Variants in NUCB1 observed in about 807,000 individuals in gnomAD.
The protein encoded by NUCB1 is nucleobindin 1, also known as nucleobindin-1.
Under a neutral mutation model 61.2 loss-of-function variants are expected in NUCB1, and 47 were observed. That is an observed-to-expected ratio of 0.77 (90% confidence interval 0.61 to 0.98). The LOEUF (loss-of-function observed/expected upper bound fraction) is 0.98, where lower values mean the gene tolerates loss of function less well. Among genes scored for constraint, NUCB1 ranks in the 50% least tolerant of loss-of-function variants. The probability of loss-of-function intolerance (pLI) is 0.00; values close to 1 mark genes in which losing one functional copy is unlikely to be tolerated. For missense variants in NUCB1, 583 were observed against 605.3 expected (o/e 0.96, Z 0.39); for synonymous variants, 234 against 243.1 (o/e 0.96, Z 0.35).
chr19:48,909,733 G>T (rs1269490996), intron 4 of NUCB1, among the ~76,000 whole-genome samples: 3 of 151,750 alleles, frequency 2.0e-5, no homozygotes, highest in Non-Finnish European at 4.4e-5. Flanking sequence ...GTAGAGATGG[G>T]GTTTCACCAT....
At position 48,915,436 on chromosome 19, in the gene NUCB1, C is replaced by T. The variant is rs1370963497; in HGVS notation, c.757+1872C>T. 3.9e-5 allele frequency among the ~76,000 whole-genome samples: 6 copies of T among 152,046 alleles called. No homozygotes were observed. The East Asian group carries it at 5.8e-4, about 15-fold the overall frequency. On this transcript the variant is annotated intron_variant, in intron 7 of 12. Coordinates refer to ENST00000405315, the MANE Select transcript of NUCB1 (RefSeq NM_006184.6). ...TCGCTTGAACCCGGGAGGCGGAAGGCGGGGGTTGCAATGAGCTGAGATCAC... is the reference window on the plus strand; with the variant it reads ...TCGCTTGAACCCGGGAGGCGGAAGGTGGGGGTTGCAATGAGCTGAGATCAC...
intron 2 of NUCB1, among the ~76,000 whole-genome samples, chr19:48,903,871 TGG>T (rs1255937926): frequency 7.4e-6 from 1 of 134,296 alleles, no homozygotes; most frequent in Non-Finnish European, 1.6e-5. Flanking sequence ...GATGGATGGA[TGG>T]ATGGATGGAT....
intron 4 of NUCB1, 46 bp downstream of exon 4, chr19:48,905,931 A>C: frequency 3.4e-6 from 4 of 1,176,620 alleles, no homozygotes; most frequent in Non-Finnish European, 3.6e-6. Context: ...GGGGTGGGGA[A>C]GGGTGGCCTC....
chr19:48,901,443 C>G (rs1258100134), intron 2 of NUCB1, among the ~76,000 whole-genome samples: 2 of 152,074 alleles, frequency 1.3e-5, no homozygotes, highest in East Asian at 1.9e-4. Flanking sequence ...TCTTGTGGTC[C>G]GAATCTTCCT....
rs776043566 is a variant in NUCB1 at position 48,911,156 on chromosome 19, G to C, written c.384G>C (p.Gln128His). 3.1e-6 allele frequency: 5 copies of C among 1,610,956 alleles called. No individual in the cohort carries two copies. The highest frequency in any genetic ancestry group is 1.6e-4 in the Middle Eastern group (1 of 6,080). Reference sequence around the variant, plus strand: ...CTCTTCCCTCTCTTCCAGATGTACAGGTGGATCATCTGAATCTCCTGAAAC... The same window carrying C: ...CTCTTCCCTCTCTTCCAGATGTACACGTGGATCATCTGAATCTCCTGAAAC... ...KMDAEQDPNV[Q>H]VDHLNLLKQF... Residue 128 changes from glutamine (Q) to histidine (H), a missense_variant, in exon 5 of 13, where the codon CAG becomes CAC. By Grantham distance (24) the Gln-to-His change is conservative. Coordinates refer to ENST00000405315, the MANE Select transcript of NUCB1 (RefSeq NM_006184.6).
chr19:48,907,946 G>A (rs148093641), intron 4 of NUCB1, among the ~76,000 whole-genome samples: 2 of 152,310 alleles, frequency 1.3e-5, no homozygotes, highest in Non-Finnish European at 1.5e-5. Context: ...CTTTCTCAGG[G>A]CTCTTTGCCT....
intron 2 of NUCB1, among the ~76,000 whole-genome samples, 197 bp from the exon 3 acceptor site, chr19:48,904,150 T>G (rs1028502282): frequency 7.9e-5 from 12 of 152,142 alleles, no homozygotes; most frequent in African/African-American, 2.9e-4. Flanking sequence ...ATGTCCACTC[T>G]GAGCACCCAC....
intron 11 of NUCB1, among the ~76,000 whole-genome samples, 186 bp from the exon 12 acceptor site, chr19:48,921,641 A>G (rs964057286): frequency 6.6e-6 from 1 of 152,026 alleles, no homozygotes; most frequent in Non-Finnish European, 1.5e-5. Context: ...CTGGAGGGAG[A>G]ACTGGATCCT....
chr19:48,922,467 C>T lies in NUCB1; in HGVS notation c.*43C>T, dbSNP rs759476127. 1.2e-5 allele frequency: 18 copies of T among 1,496,810 alleles called. No individual in the cohort carries two copies. The highest frequency in any genetic ancestry group is 1.7e-4 in the Middle Eastern group (1 of 5,834). The allele number at this position is 1,496,810 out of a possible 1,614,324, so 92.7% of individuals were successfully genotyped here. On this transcript the variant is annotated 3_prime_UTR_variant, in exon 13 of 13. Transcript: ENST00000405315. ...CCTCAGGATTCCTGATGCTCCAAGG[C>T]GACTGATGGGCGCTGGATGAAGTGG...
At chr19:48,902,956 T>C (rs112547859) in intron 2 of NUCB1, among the ~76,000 whole-genome samples, 15,245 of 151,164 alleles carry the variant, frequency 0.1, 822 homozygotes, top group South Asian at 0.16. Flanking sequence ...TATATATATG[T>C]TTAATAGACA....
At chr19:48,916,974 C>T (rs1397507903) in intron 7 of NUCB1, among the ~76,000 whole-genome samples, 1 of 152,076 alleles carries the variant, frequency 6.6e-6, no homozygotes. Context: ...AATCCCAGCA[C>T]TTTGCGAAGC....
intron 4 of NUCB1, among the ~76,000 whole-genome samples, chr19:48,907,486 G>C (rs1308609410): frequency 6.6e-6 from 1 of 151,622 alleles, no homozygotes; most frequent in Admixed American, 6.6e-5. Context: ...TGTTGGCCAG[G>C]CTGGTCTTGA....
In NUCB1 at chr19:48,919,011, C is replaced by G. The variant is rs773038018; in HGVS notation, c.817-19C>G. 10 of 1,610,498 alleles carry G rather than the reference C, an allele frequency of 6.2e-6. No homozygotes were observed. Among genetic ancestry groups the G allele is most frequent in the Non-Finnish European group, 6.8e-6 (8 of 1,177,788 alleles). ...CTGGGGACCTCTCAATGCTGTCTGC[C>G]TCTCGCTTGCTCCTGCAGCTGGAGA... On this transcript the variant is annotated intron_variant, in intron 8 of 12. Transcript: ENST00000405315.
At chr19:48,911,094 A>T (rs2037466394) in intron 4 of NUCB1, 55 bp from the exon 5 acceptor site, 1 of 1,316,310 alleles carries the variant, frequency 7.6e-7, no homozygotes, top group Admixed American at 1.8e-5. Flanking sequence ...CTGGCCCAAG[A>T]TGGGGGTTCT....
intron 12 of NUCB1, 144 bp downstream of exon 12, chr19:48,922,076 G>T (rs937269118): frequency 8.2e-6 from 6 of 734,334 alleles, no homozygotes; most frequent in Non-Finnish European, 4.4e-6. Context: ...GGGACTGGGG[G>T]TCCGGACTCC....
intron 4 of NUCB1, 103 bp downstream of exon 4, chr19:48,905,988 TC>T (rs2037408590): frequency 8.1e-7 from 1 of 1,241,394 alleles, no homozygotes; most frequent in Non-Finnish European, 1.1e-6. Flanking sequence ...GAGGCCTCCC[TC>T]CCCGCTGCGA....
chr19:48,913,331 C>A, intron 6 of NUCB1, 135 bp downstream of exon 6: 1 of 1,213,676 alleles, frequency 8.2e-7, no homozygotes, highest in East Asian at 2.4e-5. Flanking sequence ...CTGGCTGCCC[C>A]AGGGTCTGCT....
intron 7 of NUCB1, among the ~76,000 whole-genome samples, chr19:48,913,874 TGGTCCACTCTG>T (rs1274731369): frequency 6.6e-6 from 1 of 152,120 alleles, no homozygotes; most frequent in Admixed American, 6.5e-5. Context: ...GGAGAAGCCC[TGGTCCACTCTG>T]GGAACCCTGT....
chr19:48,904,802 A>G (rs1486019368), intron 3 of NUCB1, among the ~76,000 whole-genome samples: 1 of 152,088 alleles, frequency 6.6e-6, no homozygotes, highest in African/African-American at 2.4e-5. Context: ...GATTACAGGC[A>G]TGAGCCACCA....
Sources: gnomAD v4.1 joint callset for allele counts (sites outside exome capture counted in the v4.1 genomes callset) on GRCh38, gnomAD v4.1.1 for gene constraint, MANE v1.5 for transcripts, NCBI Gene and HGNC (gene_info 2026-07-23, HGNC 2026-07-21) for gene names.